LDLRAD4: variants seen among roughly 807,000 people sequenced by gnomAD.
LDLRAD4 encodes the protein low-density lipoprotein receptor class A domain-containing protein 4.
Under a neutral mutation model 17.0 loss-of-function variants are expected in LDLRAD4, and 5 were observed. The ratio of observed to expected loss-of-function variants is 0.29; its 90% CI spans 0.15 to 0.62. The LOEUF (loss-of-function observed/expected upper bound fraction) is 0.62. Among genes scored for constraint, LDLRAD4 ranks in the 20% least tolerant of loss-of-function variants. LDLRAD4 has a pLI of 0.84. For synonymous variants in LDLRAD4, 168 were observed against 171.8 expected (o/e 0.98, Z 0.17); for missense variants, 340 against 424.7 (o/e 0.80, Z 1.75).
At chr18:13,388,870 T>C (rs377469168) in intron 2 of LDLRAD4, among the ~76,000 whole-genome samples, 1 of 152,330 alleles carries the variant, frequency 6.6e-6, no homozygotes, top group South Asian at 2.1e-4. Context: ...TTGCACCACA[T>C]AGTCTGTGAC....
intron 1 of LDLRAD4, among the ~76,000 whole-genome samples, chr18:13,337,631 C>A (rs990077480): frequency 7.9e-5 from 12 of 151,594 alleles, no homozygotes; most frequent in Non-Finnish European, 1.3e-4. Flanking sequence ...GGCAGTGGCT[C>A]ACACCTGTAA....
At chr18:13,234,137 C>T (rs570682620) in intron 1 of LDLRAD4, among the ~76,000 whole-genome samples, 15 of 152,320 alleles carry the variant, frequency 9.8e-5, no homozygotes, top group South Asian at 6.2e-4. Context: ...GGCCTCTGAC[C>T]GGGTGCTGTC....
Position 13,512,044 on chromosome 18 carries a change from G to A in LDLRAD4, c.181+73660G>A, listed in dbSNP as rs139932047. ...AGAAATTAAGTTTCTAACAAGGAGC[G>A]CTTGCGTTGCTCCGTTTATCTAAAT... is the stretch of plus-strand genomic sequence containing the variant. On this transcript the variant is annotated intron_variant, in intron 3 of 5. Coordinates refer to ENST00000359446, the Ensembl canonical transcript of LDLRAD4. 7.9e-5 allele frequency among the ~76,000 whole-genome samples: 12 copies of A among 152,318 alleles called. No individual in the cohort carries two copies. In the East Asian group the frequency reaches 1.9e-3, roughly 24 times the overall value.
rs910658556 is a variant in LDLRAD4 at position 13,594,686 on chromosome 18, A to G, written c.182-26431A>G. Among the ~76,000 whole-genome samples, 5 of 149,494 alleles carry G rather than the reference A, an allele frequency of 3.3e-5. No homozygotes were observed. In the East Asian group the frequency reaches 8.1e-4, roughly 24 times the overall value. On this transcript the variant is annotated intron_variant, in intron 3 of 5. Transcript: ENST00000359446. Reference sequence around the variant, plus strand: ...ATCTCAAAAAAAAAAAAAAAAAAAAAAAAGAAACAGGAAGAAATACTAGTA... The same window carrying G: ...ATCTCAAAAAAAAAAAAAAAAAAAAGAAAGAAACAGGAAGAAATACTAGTA...
At chr18:13,533,725 ATGAGATGGG>A (rs1379264101) in intron 3 of LDLRAD4, among the ~76,000 whole-genome samples, 2 of 152,152 alleles carry the variant, frequency 1.3e-5, no homozygotes, top group Admixed American at 1.3e-4. Context: ...AGAAGGAGGG[ATGAGATGGG>A]TATTTTTGAA....
chr18:13,495,278 C>T (rs561750853), intron 3 of LDLRAD4, among the ~76,000 whole-genome samples: 4 of 152,222 alleles, frequency 2.6e-5, no homozygotes, highest in East Asian at 3.9e-4. Context: ...CCAGGGCCAG[C>T]GAGGCGAATA....
At position 13,387,648 on chromosome 18, in the gene LDLRAD4, G is replaced by A. The variant is rs913472874; in HGVS notation, c.-75G>A. The A allele has an allele frequency of 7.4e-7, 1 of 1,354,004 alleles. No individual in the cohort carries two copies. The highest frequency in any genetic ancestry group is 1.1e-6 in the Non-Finnish European group (1 of 946,870). The allele number at this position is 1,354,004 out of a possible 1,614,324, so 83.9% of individuals were successfully genotyped here. A position where few individuals can be genotyped will look rare whatever the true frequency, so the allele number is the denominator to read the frequency against. On this transcript the variant is annotated 5_prime_UTR_variant, in exon 2 of 6. An upstream open reading frame in the 5' UTR loses its in-frame stop. Coordinates refer to ENST00000359446, the Ensembl canonical transcript of LDLRAD4. ...GACTTGGACAGGCTAAGATGGAAGT[G>A]ACCTGAGCCTCGCCCGGCGGCTTCC...
chr18:13,374,963 G>A (rs1009751466), intron 1 of LDLRAD4, among the ~76,000 whole-genome samples: 1 of 152,186 alleles, frequency 6.6e-6, no homozygotes, highest in African/African-American at 2.4e-5. Flanking sequence ...TAGCCACCCA[G>A]CCTCCACTCC....
At chr18:13,579,006 C>T (rs1335465484) in intron 3 of LDLRAD4, among the ~76,000 whole-genome samples, 2 of 151,362 alleles carry the variant, frequency 1.3e-5, no homozygotes, top group African/African-American at 4.9e-5. Flanking sequence ...CTGACTAACA[C>T]GGTGAAACCC....
At chr18:13,378,624 T>C (rs1337559847) in intron 1 of LDLRAD4, among the ~76,000 whole-genome samples, 3 of 152,220 alleles carry the variant, frequency 2.0e-5, no homozygotes, top group African/African-American at 7.2e-5. Flanking sequence ...AAAAAGCCAA[T>C]CAAATATCAA....
exon 3 of LDLRAD4, chr18:13,438,350 G>T: frequency 6.2e-7 from 1 of 1,614,118 alleles, no homozygotes; most frequent in South Asian, 1.1e-5. Context: ...ACTGTCTCCT[G>T]GTGACCGAGC....
intron 1 of LDLRAD4, among the ~76,000 whole-genome samples, chr18:13,308,450 A>G (rs757462827): frequency 1.3e-5 from 2 of 152,266 alleles, no homozygotes; most frequent in Non-Finnish European, 2.9e-5. Context: ...TGCCAAGGCC[A>G]GAGCGTGTGC....
At chr18:13,402,533 A>T (rs957890589) in intron 2 of LDLRAD4, among the ~76,000 whole-genome samples, 1 of 152,232 alleles carries the variant, frequency 6.6e-6, no homozygotes, top group Admixed American at 6.5e-5. Context: ...TTTTAAGTGA[A>T]AAACATTACA....
At chr18:13,402,445 A>G (rs2087315949) in intron 2 of LDLRAD4, among the ~76,000 whole-genome samples, 1 of 152,266 alleles carries the variant, frequency 6.6e-6, no homozygotes, top group South Asian at 2.1e-4. Flanking sequence ...AATCTAGATT[A>G]CCAAAACATG....
At chr18:13,282,151 C>T (rs2045321643) in intron 1 of LDLRAD4, among the ~76,000 whole-genome samples, 1 of 152,182 alleles carries the variant, frequency 6.6e-6, no homozygotes, top group South Asian at 2.1e-4. Context: ...CCCTGGGTCC[C>T]TCCCATAACA....
At chr18:13,306,291 A>G (rs953760516) in intron 1 of LDLRAD4, among the ~76,000 whole-genome samples, 2 of 152,260 alleles carry the variant, frequency 1.3e-5, no homozygotes, top group Non-Finnish European at 2.9e-5. Flanking sequence ...ACCAGCTGCC[A>G]GTCTTTTGAT....
At chr18:13,476,786 A>T (rs1356045010) in intron 3 of LDLRAD4, among the ~76,000 whole-genome samples, 1 of 152,120 alleles carries the variant, frequency 6.6e-6, no homozygotes, top group East Asian at 1.9e-4. Flanking sequence ...CTCACAGCCC[A>T]CTTCACTCAC....
At chr18:13,610,265 A>ATTTTTTTTTTTTTTTTTT (rs1157718015) in intron 3 of LDLRAD4, among the ~76,000 whole-genome samples, 3 of 62,512 alleles carry the variant, frequency 4.8e-5, no homozygotes, top group Non-Finnish European at 1.0e-4. Context: ...CAAAGCCCTA[A>ATTTTTTTTTTTTTTTTTT]TTTTTTTTTT....
intron 1 of LDLRAD4, among the ~76,000 whole-genome samples, chr18:13,268,428 G>C (rs1487532298): frequency 6.6e-6 from 1 of 152,198 alleles, no homozygotes; most frequent in African/African-American, 2.4e-5. Flanking sequence ...GATCTCTTAG[G>C]GAGTCAGCAC....
Sources: gnomAD v4.1 joint callset for allele counts (sites outside exome capture counted in the v4.1 genomes callset) on GRCh38, gnomAD v4.1.1 for gene constraint, MANE v1.5 for transcripts, NCBI Gene and HGNC (gene_info 2026-07-23, HGNC 2026-07-21) for gene names.